Variants in PRKG1 observed in about 807,000 individuals in gnomAD.
PRKG1 encodes cGMP-dependent protein kinase 1.
A neutral mutation model predicts 88.1 loss-of-function variants in PRKG1; 35 were observed. The ratio of observed to expected loss-of-function variants is 0.40; its 90% CI spans 0.30 to 0.53. The LOEUF (loss-of-function observed/expected upper bound fraction) is 0.53, where lower values mean the gene tolerates loss of function less well. Ranked by LOEUF, PRKG1 falls within the 20% of genes least tolerant of loss-of-function variation. PRKG1 has a pLI of 0.59. For synonymous variants in PRKG1, 303 were observed against 292.5 expected, an observed-to-expected ratio of 1.04 and a Z score of -0.37; for missense variants, 540 against 839.8, an observed-to-expected ratio of 0.64 and a Z score of 4.41.
In PRKG1 at chr10:51,032,222, G is replaced by A. The variant is rs147256518; in HGVS notation, c.266+40578G>A. Among the ~76,000 whole-genome samples, 501 of 152,202 alleles carry A rather than the reference G, an allele frequency of 3.3e-3. 3 individuals carry two copies. The highest frequency in any genetic ancestry group is 8.3e-3 in the Admixed American group (126 of 15,266). Reference sequence around the variant, plus strand: ...TGTCTCCAATTCCTGCCTCTCTGAGGATCTGTGACTTGCAGCTCATTGGCA... The same window carrying A: ...TGTCTCCAATTCCTGCCTCTCTGAGAATCTGTGACTTGCAGCTCATTGGCA... On this transcript the variant is annotated intron_variant, in intron 1 of 17. Transcript: ENST00000401604.
chr10:52,255,456 A>G (rs1216921511), intron 10 of PRKG1, among the ~76,000 whole-genome samples: 3 of 152,040 alleles, frequency 2.0e-5, no homozygotes, highest in African/African-American at 7.2e-5. Flanking sequence ...TTATTTAGCA[A>G]TCCACATATC....
At position 52,271,385 on chromosome 10, in the gene PRKG1, A is replaced by C; in HGVS notation, c.1209A>C (p.Ala403=). Residue 403 remains alanine, a synonymous_variant, in exon 11 of 18, where the codon GCA becomes GCC. Transcript: ENST00000373980. The part of the protein sequence containing the change: ...QLKSEESKTF[A]MKILKKRHIV... ...AAAGTGAAGAATCCAAAACGTTTGC[A>C]ATGAAGATTCTCAAGAAACGTCACA... is the stretch of plus-strand genomic sequence containing the variant. 6.2e-7 allele frequency: 1 copy of C among 1,612,802 alleles called. No individual in the cohort carries two copies.
At chr10:52,013,185 A>G (rs11000454) in intron 5 of PRKG1, among the ~76,000 whole-genome samples, 37,124 of 151,920 alleles carry the variant, frequency 0.24, 4,730 homozygotes, top group East Asian at 0.32. Context: ...TTGGGAAGCC[A>G]AGGCAGGAAG....
chr10:51,939,047 T>G (rs1348218671), intron 5 of PRKG1, among the ~76,000 whole-genome samples: 1 of 152,034 alleles, frequency 6.6e-6, no homozygotes, highest in East Asian at 1.9e-4. Context: ...CTAAAAATTC[T>G]TCTCGTTATG....
intron 12 of PRKG1, among the ~76,000 whole-genome samples, chr10:52,278,853 A>G (rs1841935721): frequency 1.3e-5 from 2 of 151,090 alleles, no homozygotes; most frequent in South Asian, 2.1e-4. Context: ...CAGTGAACCG[A>G]GATTGCACCA....
rs146361107 is a variant in PRKG1, at chr10:51,607,361, G to C, written c.592+139525G>C. On this transcript the variant is annotated intron_variant, in intron 3 of 17. Coordinates refer to ENST00000373980, the MANE Select transcript of PRKG1 (RefSeq NM_006258.4). The stretch of plus-strand genomic sequence containing the variant: ...ATATTTGAGACTTTGTGGGCTAAGA[G>C]GTAAAATTGAATATATGATGTAGCT... 9.5e-3 allele frequency among the ~76,000 whole-genome samples: 1,440 copies of C among 152,298 alleles called. 14 individuals are homozygous for C. The highest frequency in any genetic ancestry group is 0.016 in the Non-Finnish European group (1,074 of 68,028).
At chr10:51,531,163 G>A (rs10762186) in intron 3 of PRKG1, among the ~76,000 whole-genome samples, 33,981 of 152,094 alleles carry the variant, frequency 0.22, 5,149 homozygotes, top group East Asian at 0.8. Context: ...TACTGCTGTT[G>A]AGCATCTGCC....
intron 9 of PRKG1, among the ~76,000 whole-genome samples, chr10:52,229,811 A>G (rs1158505076): frequency 6.6e-6 from 1 of 152,196 alleles, no homozygotes; most frequent in Admixed American, 6.5e-5. Flanking sequence ...TAAATTCCAT[A>G]TTTACTGAGA....
chr10:51,534,864 T>A (rs957971545), intron 3 of PRKG1, among the ~76,000 whole-genome samples: 2 of 152,126 alleles, frequency 1.3e-5, no homozygotes, highest in African/African-American at 4.8e-5. Flanking sequence ...TTTAATATAT[T>A]TACCCCTTCA....
At chr10:52,015,104 T>G (rs1845003976) in intron 5 of PRKG1, among the ~76,000 whole-genome samples, 1 of 152,212 alleles carries the variant, frequency 6.6e-6, no homozygotes, top group African/African-American at 2.4e-5. Context: ...CAATGGGGAC[T>G]CTGTGTGGGG....
At chr10:51,203,087 T>C (rs1837954355) in intron 2 of PRKG1, among the ~76,000 whole-genome samples, 1 of 151,948 alleles carries the variant, frequency 6.6e-6, no homozygotes, top group African/African-American at 2.4e-5. Flanking sequence ...AGTTATTGAA[T>C]ACAGAGGGAG....
At chr10:51,723,176 G>T (rs972346730) in intron 3 of PRKG1, among the ~76,000 whole-genome samples, 1 of 152,094 alleles carries the variant, frequency 6.6e-6, no homozygotes, top group Non-Finnish European at 1.5e-5. Context: ...CTGATTAATT[G>T]AGTTTATTGC....
At chr10:52,203,399 T>A (rs952490192) in intron 9 of PRKG1, among the ~76,000 whole-genome samples, 1 of 152,228 alleles carries the variant, frequency 6.6e-6, no homozygotes, top group African/African-American at 2.4e-5. Context: ...TAATTTCATT[T>A]TTTTAAAATT....
chr10:51,755,550 T>G (rs1837838012), intron 3 of PRKG1, among the ~76,000 whole-genome samples: 1 of 152,236 alleles, frequency 6.6e-6, no homozygotes, highest in African/African-American at 2.4e-5. Flanking sequence ...CCTTATAACC[T>G]AAGCATTTTT....
At chr10:51,331,937 G>A (rs1841751471) in intron 2 of PRKG1, among the ~76,000 whole-genome samples, 1 of 152,144 alleles carries the variant, frequency 6.6e-6, no homozygotes, top group Admixed American at 6.5e-5. Flanking sequence ...ATCATTAATT[G>A]TGATTATAAT....
intron 3 of PRKG1, among the ~76,000 whole-genome samples, chr10:51,573,767 G>A (rs920281222): frequency 1.3e-5 from 2 of 151,808 alleles, no homozygotes; most frequent in Non-Finnish European, 2.9e-5. Context: ...CTCGGTAAAA[G>A]TCTTTCTGTT....
intron 1 of PRKG1, among the ~76,000 whole-genome samples, chr10:50,994,775 T>A (rs1564565267): frequency 6.8e-6 from 1 of 148,040 alleles, no homozygotes. Flanking sequence ...GGGTTCCACA[T>A]CTATGGATTC....
At chr10:51,050,450 A>C (rs1480863287) in intron 1 of PRKG1, among the ~76,000 whole-genome samples, 1 of 152,092 alleles carries the variant, frequency 6.6e-6, no homozygotes, top group Non-Finnish European at 1.5e-5. Flanking sequence ...TTCACTTAGC[A>C]TAGTGTTCTC....
intron 2 of PRKG1, among the ~76,000 whole-genome samples, chr10:51,440,225 TA>T (rs961087616): frequency 2.6e-5 from 4 of 151,730 alleles, no homozygotes; most frequent in African/African-American, 4.8e-5. Flanking sequence ...TAAAATCCTA[TA>T]AAAAATATAT....
Sources: gnomAD v4.1 joint callset for allele counts (sites outside exome capture counted in the v4.1 genomes callset) on GRCh38, gnomAD v4.1.1 for gene constraint, MANE v1.5 for transcripts, NCBI Gene and HGNC (gene_info 2026-07-23, HGNC 2026-07-21) for gene names.